Variants in BPI observed in about 807,000 individuals in gnomAD.
BPI encodes bactericidal permeability increasing protein, also known as bactericidal permeability-increasing protein.
A neutral mutation model predicts 57.6 loss-of-function variants in BPI; 48 were observed. The ratio of observed to expected loss-of-function variants is 0.83; its 90% confidence interval spans 0.66 to 1.06. BPI has a LOEUF of 1.06. Ranked by LOEUF, BPI falls within the 50% of genes least tolerant of loss-of-function variation. The pLI is 0.00. For synonymous variants in BPI, 237 were observed against 238.2 expected, an observed-to-expected ratio of 0.99 and a Z score of 0.05; for missense variants, 651 against 609.7, an observed-to-expected ratio of 1.07 and a Z score of -0.71.
chr20:38,322,839 A>G (rs1484946246), intron 7 of BPI, among the ~76,000 whole-genome samples: 2 of 152,158 alleles, frequency 1.3e-5, no homozygotes, highest in East Asian at 3.8e-4. Flanking sequence ...CAAATTCCTG[A>G]CCTCAGGTGA....
chr20:38,307,342 T>G (rs1376696906), intron 1 of BPI, among the ~76,000 whole-genome samples: 1 of 152,242 alleles, frequency 6.6e-6, no homozygotes, highest in Non-Finnish European at 1.5e-5. Context: ...TTTTGTGCAG[T>G]AATGGCAGAG....
chr20:38,318,312 G>C, intron 5 of BPI, 101 bp from the exon 6 acceptor site: 1 of 1,352,984 alleles, frequency 7.4e-7, no homozygotes, highest in Non-Finnish European at 1.1e-6. Flanking sequence ...TAATTTTCAA[G>C]AAAACATTCA....
chr20:38,312,429 G>A (rs544089777), intron 5 of BPI, among the ~76,000 whole-genome samples: 9 of 152,218 alleles, frequency 5.9e-5, no homozygotes, highest in East Asian at 3.8e-4. Flanking sequence ...AGCACTTCCC[G>A]AACCATGCCC....
At position 38,313,939 on chromosome 20, in the gene BPI, ATGATGG is replaced by A; in HGVS notation, c.600+2012_600+2017del. Among the ~76,000 whole-genome samples, 2 of 151,562 alleles carry A rather than the reference ATGATGG, an allele frequency of 1.3e-5. 1 individual carries two copies. The highest frequency in any genetic ancestry group is 7.3e-3 in the Middle Eastern group (2 of 274). On this transcript the variant is annotated intron_variant, in intron 5 of 14. Coordinates refer to ENST00000642449, the MANE Select transcript of BPI (RefSeq NM_001725.3). ...GATAATGATGATGGCGATGATGGTG[ATGATGG>A]TGATGGTGAGGTTGATGATGGTGAT...
chr20:38,308,409 G>T (rs561317927), intron 2 of BPI, among the ~76,000 whole-genome samples: 3 of 152,184 alleles, frequency 2.0e-5, no homozygotes, highest in Non-Finnish European at 2.9e-5. Flanking sequence ...ACAAGAAGGG[G>T]GCTGTGCACT....
chr20:38,305,401 A>G (rs2076592272), intron 1 of BPI, among the ~76,000 whole-genome samples: 1 of 152,164 alleles, frequency 6.6e-6, no homozygotes, highest in African/African-American at 2.4e-5. Context: ...CCTTGTGCCA[A>G]TCGGAGTGAG....
intron 14 of BPI, among the ~76,000 whole-genome samples, chr20:38,336,797 G>T (rs925860367): frequency 5.3e-5 from 8 of 152,138 alleles, no homozygotes; most frequent in African/African-American, 1.9e-4. Flanking sequence ...CCTGAGTGAA[G>T]GACACAAAGA....
chr20:38,308,973 A>G lies in BPI; in HGVS notation c.289A>G (p.Met97Val), dbSNP rs1309645249. The change falls in exon 3 of 15, where the codon ATG becomes GTG. Residue 97 changes from methionine (M) to valine (V), a missense_variant. Transcript: ENST00000642449. Reference protein sequence around the residue: ...EFQLPSSQISMVPNVGLKFSI... With the variant: ...EFQLPSSQISVVPNVGLKFSI... ...CCAGCTTCCCAGTTCCCAGATAAGC[A>G]TGGTGCCCAATGTGGGCCTTAAGTT... The G allele has an allele frequency of 1.2e-6, 2 of 1,614,108 alleles. No individual in the cohort carries two copies. Among genetic ancestry groups the G allele is most frequent in the East Asian group, 2.2e-5 (1 of 44,900 alleles).
chr20:38,307,141 G>A (rs1228919279), intron 1 of BPI, among the ~76,000 whole-genome samples: 1 of 152,176 alleles, frequency 6.6e-6, no homozygotes, highest in Non-Finnish European at 1.5e-5. Context: ...CGAGGTTGCA[G>A]TGAGCCGTGA....
chr20:38,304,396 CACTT>C (rs1568806606), intron 1 of BPI, 43 bp downstream of exon 1: 2 of 1,601,760 alleles, frequency 1.2e-6, no homozygotes, highest in African/African-American at 1.3e-5. Flanking sequence ...CCCTGAGGAG[CACTT>C]ACTTAGCATC....
intron 5 of BPI, chr20:38,317,843 A>G (rs2076659676): frequency 6.7e-7 from 1 of 1,496,020 alleles, no homozygotes. Context: ...AGATTTTCTC[A>G]GGCTAGTGTT....
intron 3 of BPI, among the ~76,000 whole-genome samples, chr20:38,310,128 C>G (rs1399691063): frequency 6.6e-6 from 1 of 152,200 alleles, no homozygotes; most frequent in Non-Finnish European, 1.5e-5. Flanking sequence ...AAACACCCAG[C>G]TTTTTAGTAG....
In BPI at chr20:38,320,255, C is replaced by G; in HGVS notation, c.737C>G (p.Thr246Ser). ...LVAPPATTAE[T>S]LDVQMKGEFY... is the part of the protein sequence containing the mutation. ...GCACCTCCAGCAACCACGGCTGAGACCCTGGATGTACAGATGAAGGTGAGG... is the reference window on the plus strand; with the variant it reads ...GCACCTCCAGCAACCACGGCTGAGAGCCTGGATGTACAGATGAAGGTGAGG... The change falls in exon 7 of 15, where the codon ACC (threonine) becomes AGC (serine). Residue 246 changes from threonine to serine, a missense_variant. Coordinates refer to ENST00000642449, the MANE Select transcript of BPI (RefSeq NM_001725.3). 6.2e-7 allele frequency: 1 copy of G among 1,613,954 alleles called. No homozygotes were observed. Among genetic ancestry groups the G allele is most frequent in the South Asian group, 1.1e-5 (1 of 91,062 alleles).
intron 11 of BPI, among the ~76,000 whole-genome samples, chr20:38,328,665 C>G (rs1178189345): frequency 2.6e-5 from 4 of 151,936 alleles, no homozygotes; most frequent in Non-Finnish European, 5.9e-5. Flanking sequence ...AATAAACACT[C>G]AATATGCAAG....
At chr20:38,335,572 G>A in intron 13 of BPI, 26 bp from the exon 14 acceptor site, 1 of 1,604,522 alleles carries the variant, frequency 6.2e-7, no homozygotes, top group Non-Finnish European at 8.5e-7. Context: ...TTTTCTCCTG[G>A]TCCTCACCAT....
intron 5 of BPI, among the ~76,000 whole-genome samples, chr20:38,314,184 A>ATGATGGTGATGG (rs146873773): frequency 6.4e-5 from 6 of 94,290 alleles, no homozygotes; most frequent in East Asian, 4.4e-4. Context: ...GATGATAATA[A>ATGATGGTGATGG]TGATGGTGAT....
chr20:38,313,851 T>G (rs1299746104), intron 5 of BPI, among the ~76,000 whole-genome samples: 1 of 148,744 alleles, frequency 6.7e-6, no homozygotes, highest in Non-Finnish European at 1.5e-5. Flanking sequence ...ATGATGGTGA[T>G]GGTGAGGTTG....
At chr20:38,333,076 G>A (rs760865654) in intron 12 of BPI, among the ~76,000 whole-genome samples, 1 of 151,888 alleles carries the variant, frequency 6.6e-6, no homozygotes. Context: ...AAGTCATACC[G>A]TCCCAGTGTC....
intron 7 of BPI, among the ~76,000 whole-genome samples, chr20:38,322,391 CTTGT>C (rs2076691057): frequency 6.6e-6 from 1 of 152,218 alleles, no homozygotes; most frequent in Admixed American, 6.5e-5. Context: ...TAAGAAAGGT[CTTGT>C]TTATCTCCTG....
Sources: allele counts gnomAD v4.1 joint callset (sites outside exome capture counted in the v4.1 genomes callset), GRCh38; gene constraint gnomAD v4.1.1; transcripts MANE v1.5; gene names NCBI Gene and HGNC (gene_info 2026-07-23, HGNC 2026-07-21).